The following CNTN4 variants were observed in gnomAD, a reference collection of about 807,000 sequenced individuals.
CNTN4 encodes the protein contactin-4.
Under a neutral mutation model 122.5 loss-of-function variants are expected in CNTN4, and 77 were observed. That is an observed-to-expected ratio of 0.63 (90% CI 0.52 to 0.76). The LOEUF is 0.76. Ranked by LOEUF, CNTN4 falls within the 30% of genes least tolerant of loss-of-function variation. The pLI, the probability that CNTN4 is intolerant of heterozygous loss-of-function variation, is 0.00. For missense variants in CNTN4, 1,256 were observed against 1,259.1 expected (o/e 1.00, Z 0.04); for synonymous variants, 512 against 447.0 (o/e 1.15, Z -1.83).
At chr3:2,243,496 A>G (rs1269344422) in intron 2 of CNTN4, among the ~76,000 whole-genome samples, 1 of 151,310 alleles carries the variant, frequency 6.6e-6, no homozygotes, top group Non-Finnish European at 1.5e-5. Context: ...CTTTCTTAAA[A>G]CATTATGAGA....
chr3:2,320,004 T>A (rs1351016122), intron 2 of CNTN4, among the ~76,000 whole-genome samples: 1 of 152,206 alleles, frequency 6.6e-6, no homozygotes, highest in East Asian at 1.9e-4. Context: ...CCGTTTTACT[T>A]GTTAAAAATC....
At chr3:2,735,739 A>G (rs1242234251) in intron 4 of CNTN4, 2 of 331,918 alleles carry the variant, frequency 6.0e-6, no homozygotes, top group East Asian at 1.6e-4. Context: ...GTATATTAGC[A>G]ATACGGAGCT....
At chr3:2,411,872 C>T (rs151007249) in intron 3 of CNTN4, among the ~76,000 whole-genome samples, 65 of 152,192 alleles carry the variant, frequency 4.3e-4, no homozygotes, top group African/African-American at 1.4e-3. Context: ...TTAAATATTA[C>T]GTTTCATCTA....
At chr3:2,227,361 A>T (rs1220657224) in intron 2 of CNTN4, among the ~76,000 whole-genome samples, 1 of 152,140 alleles carries the variant, frequency 6.6e-6, no homozygotes, top group Non-Finnish European at 1.5e-5. Flanking sequence ...AGTAATATGA[A>T]CCTCAACAGT....
chr3:2,170,302 A>G (rs1024069812), intron 2 of CNTN4, among the ~76,000 whole-genome samples: 3 of 151,436 alleles, frequency 2.0e-5, no homozygotes, highest in Admixed American at 1.3e-4. Flanking sequence ...CCTGGGCGAC[A>G]CACCAAGACT....
At chr3:2,523,229 A>C (rs2077281862) in intron 3 of CNTN4, among the ~76,000 whole-genome samples, 1 of 152,020 alleles carries the variant, frequency 6.6e-6, no homozygotes, top group Non-Finnish European at 1.5e-5. Context: ...GTGGCTTATG[A>C]AAGTGAAATG....
chr3:3,013,563 C>T (rs17024684), intron 14 of CNTN4, among the ~76,000 whole-genome samples: 11,717 of 152,000 alleles, frequency 0.077, 547 homozygotes, highest in Middle Eastern at 0.19. Flanking sequence ...CGCCAGGGTG[C>T]CCAAGTGAAC....
At chr3:2,846,794 C>G (rs926561438) in intron 7 of CNTN4, among the ~76,000 whole-genome samples, 4 of 152,046 alleles carry the variant, frequency 2.6e-5, no homozygotes, top group South Asian at 4.1e-4. Context: ...GTTGGGAGTT[C>G]GAGACCACCC....
chr3:2,914,809 A>G (rs185160679), intron 12 of CNTN4, among the ~76,000 whole-genome samples: 49 of 149,596 alleles, frequency 3.3e-4, no homozygotes, highest in African/African-American at 1.2e-3. Context: ...GTTAAAACCA[A>G]AAACAAACAA....
chr3:2,455,637 G>T (rs1032027595), intron 3 of CNTN4, among the ~76,000 whole-genome samples: 1 of 152,140 alleles, frequency 6.6e-6, no homozygotes, highest in African/African-American at 2.4e-5. Flanking sequence ...GAGGAAGGGC[G>T]CCTCCAAAAA....
chr3:2,600,525 T>G lies in CNTN4; in HGVS notation c.55+28967T>G, dbSNP rs183434897. Among the ~76,000 whole-genome samples, 373 of 152,330 alleles carry G rather than the reference T, an allele frequency of 2.4e-3. 8 individuals are homozygous for G. The highest frequency in any genetic ancestry group is 6.5e-4 in the Non-Finnish European group (44 of 68,026). On this transcript the variant is annotated intron_variant, in intron 4 of 24. Transcript: ENST00000418658. ...TTCATCCATGTCCCTGCAAAGGACA[T>G]GAACTCATCATTTTCTATGGCTGCA...
chr3:2,658,961 A>G (rs199588556), intron 4 of CNTN4, among the ~76,000 whole-genome samples: 150 of 59,140 alleles, frequency 2.5e-3, no homozygotes, highest in African/African-American at 0.01. Context: ...CACACACACA[A>G]ACAGACACAC....
chr3:2,614,942 G>C (rs1444319864), intron 4 of CNTN4, among the ~76,000 whole-genome samples: 1 of 152,016 alleles, frequency 6.6e-6, no homozygotes. Context: ...GAAAATTGAT[G>C]GGTACTTATT....
chr3:3,054,587 A>G (rs1701607955), intron 24 of CNTN4, among the ~76,000 whole-genome samples: 1 of 152,314 alleles, frequency 6.6e-6, no homozygotes, highest in Non-Finnish European at 1.5e-5. Flanking sequence ...GTATCTTAAG[A>G]GCATGATTTT....
At chr3:2,224,202 T>C (rs1391739092) in intron 2 of CNTN4, among the ~76,000 whole-genome samples, 3 of 152,170 alleles carry the variant, frequency 2.0e-5, no homozygotes, top group Non-Finnish European at 1.5e-5. Flanking sequence ...CAAAGAAATA[T>C]ATTTTAGGGT....
intron 4 of CNTN4, among the ~76,000 whole-genome samples, chr3:2,654,975 T>G (rs886120147): frequency 6.6e-6 from 1 of 152,186 alleles, no homozygotes; most frequent in African/African-American, 2.4e-5. Flanking sequence ...TGAATCCAGG[T>G]AGCATCTCAC....
At chr3:2,442,462 T>C (rs184791958) in intron 3 of CNTN4, among the ~76,000 whole-genome samples, 23 of 152,264 alleles carry the variant, frequency 1.5e-4, no homozygotes, top group Admixed American at 3.3e-4. Flanking sequence ...AGCATTCTAC[T>C]AAATTTTAAG....
intron 7 of CNTN4, among the ~76,000 whole-genome samples, chr3:2,844,764 G>A (rs964731848): frequency 2.0e-5 from 3 of 152,152 alleles, no homozygotes; most frequent in African/African-American, 7.2e-5. Flanking sequence ...CTATTTAAGG[G>A]ACAATAAAGC....
intron 2 of CNTN4, among the ~76,000 whole-genome samples, chr3:2,169,560 C>T (rs529245804): frequency 6.6e-6 from 1 of 151,774 alleles, no homozygotes; most frequent in East Asian, 2.0e-4. Flanking sequence ...GCGCCGCCAC[C>T]ACGCCCGGCT....
Sources: gnomAD v4.1 joint callset for allele counts (sites outside exome capture counted in the v4.1 genomes callset) on GRCh38, gnomAD v4.1.1 for gene constraint, MANE v1.5 for transcripts, NCBI Gene and HGNC (gene_info 2026-07-23, HGNC 2026-07-21) for gene names.